IFT74: variants seen among roughly 807,000 people sequenced by gnomAD.
IFT74 encodes intraflagellar transport protein 74 homolog.
Under a neutral mutation model 96.7 loss-of-function variants are expected in IFT74, and 92 were observed. The observed-to-expected ratio is 0.95, with a 90% CI of 0.80 to 1.13. The LOEUF is 1.13. Among genes scored for constraint, IFT74 ranks in the 50% most tolerant of loss-of-function variants. The probability of loss-of-function intolerance (pLI) is 0.00; values close to 1 mark genes in which losing one functional copy is unlikely to be tolerated. For synonymous variants in IFT74, 223 were observed against 213.2 expected (o/e 1.05, Z -0.40); for missense variants, 811 against 698.2 (o/e 1.16, Z -1.82).
intron 8 of IFT74, chr9:26,996,456 C>T (rs1316105488): frequency 3.2e-6 from 5 of 1,550,930 alleles, no homozygotes; most frequent in Admixed American, 3.6e-5. Context: ...TATTGTAGCT[C>T]TGCAGGCTGT....
At chr9:26,994,373 C>G (rs974731061) in intron 8 of IFT74, 2 of 151,890 alleles carry the variant, frequency 1.3e-5, no homozygotes, top group African/African-American at 4.8e-5. Context: ...CCTGTCTCTA[C>G]TAAAAATACA....
At chr9:27,037,220 CAAAA>C (rs11354662) in intron 13 of IFT74, among the ~76,000 whole-genome samples, 3 of 91,408 alleles carry the variant, frequency 3.3e-5, no homozygotes, top group Admixed American at 1.2e-4. Flanking sequence ...AATCCCATCT[CAAAA>C]AAAAAAAAAA....
At chr9:27,016,883 CT>C in intron 10 of IFT74, 23 bp from the exon 11 acceptor site, 1 of 1,568,228 alleles carries the variant, frequency 6.4e-7, no homozygotes, top group Non-Finnish European at 8.6e-7. Flanking sequence ...CTAATTAAAA[CT>C]TTCCCTTCTT....
intron 6 of IFT74, among the ~76,000 whole-genome samples, chr9:26,987,975 G>C (rs979341434): frequency 6.6e-6 from 1 of 151,592 alleles, no homozygotes; most frequent in Non-Finnish European, 1.5e-5. Flanking sequence ...TTTTTGAGAC[G>C]GAATTTCACT....
At chr9:26,984,232 G>T in intron 4 of IFT74, 25 bp from the exon 5 acceptor site, 1 of 1,525,724 alleles carries the variant, frequency 6.6e-7, no homozygotes, top group South Asian at 1.2e-5. Flanking sequence ...AAGTATTGCT[G>T]ACATTCTTAT....
At chr9:26,947,127 G>T in exon 1 of IFT74, 2 of 1,385,186 alleles carry the variant, frequency 1.4e-6, no homozygotes, top group African/African-American at 1.5e-5. Flanking sequence ...GCCGGGCCGC[G>T]GCGGGAGAAG....
At chr9:27,047,235 C>CTATATAGTTATATAGAGAT in intron 14 of IFT74, 39 bp from the exon 15 acceptor site, 1 of 1,219,232 alleles carries the variant, frequency 8.2e-7, no homozygotes, top group Non-Finnish European at 1.2e-6. Flanking sequence ...AGTGTTAACT[C>CTATATAGTTATATAGAGAT]TATCAGCAGT....
chr9:26,980,484 G>A, intron 3 of IFT74, 87 bp from the exon 4 acceptor site: 1 of 805,492 alleles, frequency 1.2e-6, no homozygotes, highest in South Asian at 1.4e-5. Context: ...CTTGAGAATT[G>A]TGGAGTGTAA....
At position 26,995,915 on chromosome 9, in the gene IFT74, T is replaced by G. The variant is rs1246833182; in HGVS notation, c.587+5720T>G. 8 of 1,120,754 alleles carry G rather than the reference T, an allele frequency of 7.1e-6. No homozygotes were observed. In the Admixed American group the frequency reaches 1.7e-4, roughly 24 times the overall value. The allele number at this position is 1,120,754 out of a possible 1,614,324, so 69.4% of individuals were successfully genotyped here. On this transcript the variant is annotated intron_variant, in intron 8 of 19. Coordinates refer to ENST00000380062, the MANE Select transcript of IFT74 (RefSeq NM_025103.4). Reference sequence around the variant, plus strand: ...GTTAAGTTGGCAAAATAATCATAATTATATATCCTAATTCTCCTCAATATT... The same window carrying G: ...GTTAAGTTGGCAAAATAATCATAATGATATATCCTAATTCTCCTCAATATT...
chr9:27,003,026 G>A (rs1167929507), intron 8 of IFT74, among the ~76,000 whole-genome samples: 1 of 151,892 alleles, frequency 6.6e-6, no homozygotes, highest in East Asian at 1.9e-4. Context: ...TTGATTCCAA[G>A]GTATTTTATA....
intron 8 of IFT74, among the ~76,000 whole-genome samples, chr9:27,008,073 G>A (rs1224364519): frequency 6.6e-6 from 1 of 152,080 alleles, no homozygotes; most frequent in Admixed American, 6.5e-5. Flanking sequence ...AATGTTTATT[G>A]TGTTTTTAGA....
chr9:26,975,464 C>T (rs1262084050), intron 2 of IFT74, among the ~76,000 whole-genome samples: 1 of 152,178 alleles, frequency 6.6e-6, no homozygotes, highest in Non-Finnish European at 1.5e-5. Context: ...CCAAATAAAA[C>T]AACAATATTG....
At chr9:26,951,847 G>A (rs143301051), upstream of IFT74, among the ~76,000 whole-genome samples, 1 of 152,104 alleles carries the variant, frequency 6.6e-6, no homozygotes, top group Non-Finnish European at 1.5e-5. Context: ...GCAGTGAGCC[G>A]AGATAGCTCC....
rs150219690 is a variant in IFT74 at position 26,990,143 on chromosome 9, C to G, written c.535C>G (p.Gln179Glu). ...VMNDYNMLKAQNDRETQSLDV... is the reference protein window; with the variant it reads ...VMNDYNMLKAENDRETQSLDV... Reference sequence around the variant, plus strand: ...TGTTAACTTTATTCAGCTTAAAGCTCAAAATGATCGAGAAACACAAAGTTT... The same window carrying G: ...TGTTAACTTTATTCAGCTTAAAGCTGAAAATGATCGAGAAACACAAAGTTT... Residue 179 changes from glutamine (Q) to glutamate (E), a missense_variant, in exon 8 of 20, where the codon CAA becomes GAA. Coordinates refer to ENST00000380062, the MANE Select transcript of IFT74 (RefSeq NM_025103.4). 30 of 1,500,516 alleles carry G rather than the reference C, an allele frequency of 2.0e-5. No homozygotes were observed. In the East Asian group the frequency reaches 6.7e-4, roughly 34 times the overall value. 93.0% of individuals were successfully genotyped at this position (1,500,516 alleles called of 1,614,324 possible). A position where few individuals can be genotyped will look rare whatever the true frequency, so the allele number is the denominator to read the frequency against.
intron 13 of IFT74, among the ~76,000 whole-genome samples, chr9:27,032,035 C>T: frequency 6.6e-6 from 1 of 151,980 alleles, no homozygotes; most frequent in East Asian, 1.9e-4. Flanking sequence ...TAGTGTATTC[C>T]CTTACATTGA....
chr9:26,970,952 G>A (rs1826851808), intron 2 of IFT74, among the ~76,000 whole-genome samples: 1 of 152,196 alleles, frequency 6.6e-6, no homozygotes, highest in Non-Finnish European at 1.5e-5. Context: ...TCTTCCTGAA[G>A]AGGGTGGATG....
chr9:26,998,092 C>T (rs35776880), intron 8 of IFT74: 34,966 of 1,613,246 alleles, frequency 0.022, 455 homozygotes, highest in Non-Finnish European at 0.024. Flanking sequence ...TCAAATAGAG[C>T]TCTGTGAGTA....
At chr9:26,953,359 T>G (rs1225323697), upstream of IFT74, among the ~76,000 whole-genome samples, 1 of 152,188 alleles carries the variant, frequency 6.6e-6, no homozygotes, top group Non-Finnish European at 1.5e-5. Context: ...GTTGTTTGAT[T>G]TTTTTCCTAA....
At chr9:27,031,695 G>C (rs13289309) in intron 13 of IFT74, among the ~76,000 whole-genome samples, 6 of 135,744 alleles carry the variant, frequency 4.4e-5, no homozygotes, top group Admixed American at 4.0e-4. Flanking sequence ...AAACTCCTGG[G>C]CTCAAGTGAT....
Sources: allele counts gnomAD v4.1 joint callset (sites outside exome capture counted in the v4.1 genomes callset), GRCh38; gene constraint gnomAD v4.1.1; transcripts MANE v1.5; gene names NCBI Gene and HGNC (gene_info 2026-07-23, HGNC 2026-07-21).